Variants in NHLH1 observed in about 807,000 individuals in gnomAD.
The protein encoded by NHLH1 is nescient helix-loop-helix 1.
A neutral mutation model predicts 6.7 loss-of-function variants in NHLH1; 3 were observed. That is an observed-to-expected ratio of 0.44 (90% CI 0.20 to 1.15). The LOEUF (loss-of-function observed/expected upper bound fraction) is 1.15. Among genes scored for constraint, NHLH1 ranks in the 50% most tolerant of loss-of-function variants. NHLH1 has a pLI of 0.26. For missense variants in NHLH1, 177 were observed against 189.5 expected (o/e 0.93, Z 0.39); for synonymous variants, 92 against 84.2 (o/e 1.09, Z -0.51).
At chr1:160,368,803 G>C (rs1446265278) in intron 1 of NHLH1, among the ~76,000 whole-genome samples, 1 of 152,194 alleles carries the variant, frequency 6.6e-6, no homozygotes, top group Admixed American at 6.5e-5. Flanking sequence ...AGGGTGGAGA[G>C]GGGCCCTGAG....
intron 1 of NHLH1, among the ~76,000 whole-genome samples, chr1:160,369,634 A>G (rs1017442282): frequency 2.0e-5 from 3 of 152,120 alleles, no homozygotes; most frequent in African/African-American, 7.2e-5. Context: ...TAGCCATCCT[A>G]ATGGGTATGA....
rs767916599 is a variant in NHLH1, at chr1:160,371,067, C to G, written c.336C>G (p.Ser112=). 6.2e-7 allele frequency: 1 copy of G among 1,614,064 alleles called. No homozygotes were observed. The highest frequency in any genetic ancestry group is 1.1e-5 in the South Asian group (1 of 91,084). ...LPTLPPDKKL[S]KIEILRLAIC... is the part of the protein sequence containing the mutation. ...CGCTGCCCCCCGACAAGAAGCTCTC[C>G]AAGATTGAGATTCTGCGCCTGGCCA... The change falls in exon 2 of 2, where the codon TCC becomes TCG. Residue 112 remains serine (S), a synonymous_variant. Transcript: ENST00000302101.
rs1255611787 is a variant in NHLH1 at position 160,372,297 on chromosome 1, C to T, written c.*1164C>T. ...ATGAACTCACTGCATTTCTGTGCTCCCTCCTCCCTCGCACCAAACTCCTAG... is the reference window on the plus strand; with the variant it reads ...ATGAACTCACTGCATTTCTGTGCTCTCTCCTCCCTCGCACCAAACTCCTAG... On this transcript the variant is annotated 3_prime_UTR_variant, in exon 2 of 2. Transcript: ENST00000302101. 3 of 166,990 alleles carry T rather than the reference C, an allele frequency of 1.8e-5. No homozygotes were observed. Among genetic ancestry groups the T allele is most frequent in the Non-Finnish European group, 4.4e-5 (3 of 68,108 alleles). 10.3% of individuals were successfully genotyped at this position (166,990 alleles called of 1,614,324 possible).
Position 160,372,810 on chromosome 1 carries a change from CA to C in NHLH1, c.*1682del. 6.2e-6 allele frequency: 1 copy of C among 162,570 alleles called. No individual in the cohort carries two copies. The allele number at this position is 162,570 out of a possible 1,614,324, so 10.1% of individuals were successfully genotyped here. A position where few individuals can be genotyped will look rare whatever the true frequency, so the allele number is the denominator to read the frequency against. On this transcript the variant is annotated 3_prime_UTR_variant, in exon 2 of 2. Transcript: ENST00000302101. Reference sequence around the variant, plus strand: ...TTCTGGTTGCATCCCCAATTTCATACAAAAAGAAAAATAAAAGTGACCTCGT... The same window carrying C: ...TTCTGGTTGCATCCCCAATTTCATACAAAAGAAAAATAAAAGTGACCTCGT...
intron 1 of NHLH1, 81 bp from the exon 2 acceptor site, chr1:160,370,476 A>C: frequency 7.9e-6 from 2 of 251,996 alleles, no homozygotes; most frequent in South Asian, 3.4e-5. Context: ...CTCCCAGCCC[A>C]TCTCAAACCT....
chr1:160,367,495 T>G (rs910902652), intron 1 of NHLH1, among the ~76,000 whole-genome samples, 158 bp downstream of exon 1: 2 of 152,152 alleles, frequency 1.3e-5, no homozygotes, highest in Admixed American at 6.5e-5. Context: ...TTCGACTCTT[T>G]GTGCCTATCT....
At position 160,371,497 on chromosome 1, in the gene NHLH1, G is replaced by A. The variant is rs1384960897; in HGVS notation, c.*364G>A. On this transcript the variant is annotated 3_prime_UTR_variant, in exon 2 of 2. Transcript: ENST00000302101. ...TTCTACCCCTATGTCCAAATTTTCA[G>A]CCACCACAGACCTCAGCTGTGTATC... 4.8e-6 allele frequency: 1 copy of A among 208,468 alleles called. No homozygotes were observed. Among genetic ancestry groups the A allele is most frequent in the East Asian group, 1.5e-4 (1 of 6,570 alleles). 12.9% of individuals were successfully genotyped at this position (208,468 alleles called of 1,614,324 possible).
At chr1:160,367,724 G>A (rs570921291) in intron 1 of NHLH1, among the ~76,000 whole-genome samples, 2 of 152,284 alleles carry the variant, frequency 1.3e-5, no homozygotes, top group Non-Finnish European at 2.9e-5. Flanking sequence ...TGGGGAGCAC[G>A]GAGAGGGGAA....
intron 1 of NHLH1, among the ~76,000 whole-genome samples, chr1:160,369,312 T>G (rs1649568485): frequency 6.6e-6 from 1 of 152,254 alleles, no homozygotes; most frequent in Non-Finnish European, 1.5e-5. Context: ...TGTATGTATA[T>G]AATACATTTT....
intron 1 of NHLH1, among the ~76,000 whole-genome samples, chr1:160,370,158 G>C (rs1649589480): frequency 6.6e-6 from 1 of 152,014 alleles, no homozygotes; most frequent in African/African-American, 2.4e-5. Context: ...TGTTGCCTGT[G>C]CTTTTGGTGT....
Position 160,367,124 on chromosome 1 carries a change from G to A in NHLH1, c.-389G>A. On this transcript the variant is annotated 5_prime_UTR_variant, in exon 1 of 2. Transcript: ENST00000302101. ...GTGGCTGGCCCCAGTACCTGGCCAA[G>A]CCCACCACTTCCACCTGGGCCCTAC... 6.5e-6 allele frequency: 1 copy of A among 152,938 alleles called. No individual in the cohort carries two copies. The highest frequency in any genetic ancestry group is 1.5e-5 in the Non-Finnish European group (1 of 68,688). 9.5% of individuals were successfully genotyped at this position (152,938 alleles called of 1,614,324 possible).
Position 160,371,025 on chromosome 1 carries a change from G to A in NHLH1, c.294G>A (p.Leu98=), listed in dbSNP as rs370123396. ...CCTTCAACCTGGCCTTCGCCGAGCT[G>A]CGCAAGCTGCTGCCTACGCTGCCCC... is the stretch of plus-strand genomic sequence containing the variant. ...VEAFNLAFAE[L]RKLLPTLPPD... is the part of the protein sequence containing the mutation. Residue 98 remains leucine (L), a synonymous_variant, in exon 2 of 2, where the codon CTG becomes CTA. Transcript: ENST00000302101. The A allele has an allele frequency of 1.1e-5, 17 of 1,613,970 alleles. No individual in the cohort carries two copies. The African/African-American group carries it at 2.1e-4, about 20-fold the overall frequency.
intron 1 of NHLH1, 83 bp from the exon 2 acceptor site, chr1:160,370,474 C>T: frequency 2.4e-6 from 1 of 417,696 alleles, no homozygotes; most frequent in Non-Finnish European, 4.3e-6. Context: ...CCCTCCCAGC[C>T]CATCTCAAAC....
chr1:160,369,639 G>A (rs1649580213), intron 1 of NHLH1, among the ~76,000 whole-genome samples: 1 of 152,118 alleles, frequency 6.6e-6, no homozygotes, highest in African/African-American at 2.4e-5. Flanking sequence ...ATCCTAATGG[G>A]TATGAAGTGA....
At chr1:160,369,000 C>T (rs1649561011) in intron 1 of NHLH1, among the ~76,000 whole-genome samples, 1 of 152,170 alleles carries the variant, frequency 6.6e-6, no homozygotes, top group Non-Finnish European at 1.5e-5. Context: ...GTGTACAATT[C>T]AGTAGTGTTC....
chr1:160,371,299 C>A lies in NHLH1; in HGVS notation c.*166C>A. ...GCTGGTCATGAGGGCCTCTTCCTTT[C>A]TCTGACCCAGGCACCTCGAGGGCTA... On this transcript the variant is annotated 3_prime_UTR_variant, in exon 2 of 2. Coordinates refer to ENST00000302101, the MANE Select transcript of NHLH1 (RefSeq NM_005598.4). 8.8e-7 allele frequency: 1 copy of A among 1,138,334 alleles called. No homozygotes were observed. Among genetic ancestry groups the A allele is most frequent in the Non-Finnish European group, 1.2e-6 (1 of 830,698 alleles). The allele number at this position is 1,138,334 out of a possible 1,614,324, so 70.5% of individuals were successfully genotyped here.
chr1:160,370,861 C>A lies in NHLH1; in HGVS notation c.130C>A (p.Gln44Lys). The change falls in exon 2 of 2, where the codon CAG (glutamine) becomes AAG (lysine). Residue 44 changes from glutamine (Q) to lysine (K), a missense_variant. Physicochemically the swap from Gln to Lys is moderately conservative, Grantham distance 53. Coordinates refer to ENST00000302101, the MANE Select transcript of NHLH1 (RefSeq NM_005598.4). ...CGGGCCTGGGGGTCCGGGAGGGGGC[C>A]AGGCCCGAGGCCCAGAGCCGGGAGA... is the stretch of plus-strand genomic sequence containing the variant. Reference protein sequence around the residue: ...GAGPGGPGGGQARGPEPGEPG... With the variant: ...GAGPGGPGGGKARGPEPGEPG... 6.2e-7 allele frequency: 1 copy of A among 1,605,792 alleles called. No homozygotes were observed. Among genetic ancestry groups the A allele is most frequent in the Non-Finnish European group, 8.5e-7 (1 of 1,176,620 alleles).
Position 160,370,951 on chromosome 1 carries a change from G to T in NHLH1, c.220G>T (p.Ala74Ser). Residue 74 changes from alanine to serine, a missense_variant, in exon 2 of 2, where the codon GCC becomes TCC. Transcript: ENST00000302101. ...GCGCCGGCGCCGGCGCCGCGCCACA[G>T]CCAAGTACCGCACGGCCCACGCCAC... ...EERRRRRRAT[A>S]KYRTAHATRE... 6.2e-7 allele frequency: 1 copy of T among 1,611,706 alleles called. No individual in the cohort carries two copies. Among genetic ancestry groups the T allele is most frequent in the Non-Finnish European group, 8.5e-7 (1 of 1,178,786 alleles).
At chr1:160,369,541 A>G (rs1204147398) in intron 1 of NHLH1, among the ~76,000 whole-genome samples, 1 of 152,108 alleles carries the variant, frequency 6.6e-6, no homozygotes, top group African/African-American at 2.4e-5. Context: ...TCATTTTGCA[A>G]TCCCAACAAG....
Sources: gnomAD v4.1 joint callset for allele counts (sites outside exome capture counted in the v4.1 genomes callset) on GRCh38, gnomAD v4.1.1 for gene constraint, MANE v1.5 for transcripts, NCBI Gene and HGNC (gene_info 2026-07-23, HGNC 2026-07-21) for gene names.